The following ARNT2 variants were observed in gnomAD, a reference collection of about 807,000 sequenced individuals.
ARNT2 encodes aryl hydrocarbon receptor nuclear translocator 2.
In ARNT2, 36 loss-of-function variants were observed where a neutral mutation model predicts 91.7. The observed-to-expected ratio is 0.39, with a 90% CI of 0.30 to 0.52. The LOEUF is 0.52. Among genes scored for constraint, ARNT2 ranks in the 20% least tolerant of loss-of-function variants. The probability of loss-of-function intolerance (pLI) is 0.72; values close to 1 mark genes in which losing one functional copy is unlikely to be tolerated. For missense variants in ARNT2, 775 were observed against 939.3 expected (o/e 0.83, Z 2.29); for synonymous variants, 365 against 347.1 (o/e 1.05, Z -0.57).
chr15:80,447,567 C>T (rs143824518), intron 1 of ARNT2, among the ~76,000 whole-genome samples: 1 of 152,194 alleles, frequency 6.6e-6, no homozygotes, highest in Non-Finnish European at 1.5e-5. Flanking sequence ...GAACAGGGAC[C>T]TTCCTAAGCC....
chr15:80,477,082 T>C (rs886827681), intron 5 of ARNT2, among the ~76,000 whole-genome samples: 1 of 152,224 alleles, frequency 6.6e-6, no homozygotes, highest in Admixed American at 6.5e-5. Flanking sequence ...AGACACCTGC[T>C]TCCCTTCACC....
At chr15:80,581,080 G>T in intron 16 of ARNT2, 159 bp from the exon 17 acceptor site, 2 of 835,796 alleles carry the variant, frequency 2.4e-6, no homozygotes, top group East Asian at 2.6e-5. Flanking sequence ...CTCACACACC[G>T]GGCTGATCCC....
chr15:80,495,644 A>T (rs956958344), intron 5 of ARNT2, among the ~76,000 whole-genome samples: 3 of 152,234 alleles, frequency 2.0e-5, no homozygotes, highest in African/African-American at 7.2e-5. Flanking sequence ...TGTGTGACAG[A>T]TAGCAGAATC....
At chr15:80,550,957 C>A in intron 8 of ARNT2, 1 of 446,000 alleles carries the variant, frequency 2.2e-6, no homozygotes. Flanking sequence ...TTTCATCTTC[C>A]TTAATTTCCT....
Position 80,555,131 on chromosome 15 carries a change from T to G in ARNT2, c.1156T>G (p.Phe386Val), listed in dbSNP as rs780428760. 3.7e-6 allele frequency: 6 copies of G among 1,614,068 alleles called. No individual in the cohort carries two copies. Among genetic ancestry groups the G allele is most frequent in the South Asian group, 2.2e-5 (2 of 91,084 alleles). Reference sequence around the variant, plus strand: ...GGATCAAAGCCATCTGCGTGAGAGCTTCCAGCAGGTACATACTGCCAGTAC... The same window carrying G: ...GGATCAAAGCCATCTGCGTGAGAGCGTCCAGCAGGTACATACTGCCAGTAC... ...PEDQSHLRES[F>V]QQVVKLKGQV... Residue 386 changes from phenylalanine to valine, a missense_variant, in exon 11 of 19, where the codon TTC becomes GTC. By Grantham distance (50) the Phe-to-Val change is conservative. This residue lies in a region of ARNT2 where 285 missense variants were observed against 327.2 expected (regional missense o/e 0.87). Coordinates refer to ENST00000303329, the MANE Select transcript of ARNT2 (RefSeq NM_014862.4).
At chr15:80,593,384 C>T (rs1893316104) in intron 18 of ARNT2, among the ~76,000 whole-genome samples, 1 of 152,246 alleles carries the variant, frequency 6.6e-6, no homozygotes, top group South Asian at 2.1e-4. Context: ...TGCCGTTTAC[C>T]TGCTGTCACA....
At chr15:80,506,455 C>A (rs574932782) in intron 5 of ARNT2, among the ~76,000 whole-genome samples, 1 of 152,246 alleles carries the variant, frequency 6.6e-6, no homozygotes, top group African/African-American at 2.4e-5. Flanking sequence ...TGGGGGATTC[C>A]GGTTAGACTC....
intron 8 of ARNT2, among the ~76,000 whole-genome samples, chr15:80,545,949 A>G (rs1448523146): frequency 1.3e-5 from 2 of 152,222 alleles, no homozygotes; most frequent in African/African-American, 2.4e-5. Flanking sequence ...GGAAGCTAGT[A>G]TACCGTCTTC....
chr15:80,496,872 T>A (rs1897131846), intron 5 of ARNT2, among the ~76,000 whole-genome samples: 1 of 152,252 alleles, frequency 6.6e-6, no homozygotes, highest in African/African-American at 2.4e-5. Context: ...TGTAAGGAGT[T>A]GTAACTGGGC....
intron 8 of ARNT2, among the ~76,000 whole-genome samples, chr15:80,521,297 C>CT (rs945181627): frequency 3.3e-5 from 5 of 151,352 alleles, no homozygotes; most frequent in African/African-American, 7.3e-5. Context: ...GCAAGTTACA[C>CT]TTTTTTTTTC....
At chr15:80,458,053 C>T (rs1005025934) in intron 3 of ARNT2, 77 bp downstream of exon 3, 28 of 1,482,444 alleles carry the variant, frequency 1.9e-5, no homozygotes, top group East Asian at 4.6e-5. Flanking sequence ...AAGAATGTAA[C>T]GTCTTTTGTC....
At position 80,576,860 on chromosome 15, in the gene ARNT2, T is replaced by C. The variant is rs1381906987; in HGVS notation, c.1514-6T>C. The C allele has an allele frequency of 5.0e-6, 8 of 1,613,888 alleles. No homozygotes were observed. The highest frequency in any genetic ancestry group is 5.1e-6 in the Non-Finnish European group (6 of 1,180,014). On this transcript the variant is annotated splice_polypyrimidine_tract_variant and splice_region_variant and intron_variant, in intron 14 of 18. Transcript: ENST00000303329. ...TCGCATGTGACTCCTGCTCTGGTTT[T>C]CCTAGCGGAGAAGAAGATGATGAGC... is the stretch of plus-strand genomic sequence containing the variant.
chr15:80,504,928 G>C (rs1235190055), intron 5 of ARNT2, among the ~76,000 whole-genome samples: 1 of 152,160 alleles, frequency 6.6e-6, no homozygotes, highest in East Asian at 1.9e-4. Flanking sequence ...ATGGCATAGG[G>C]TGAGGAGGGA....
chr15:80,457,102 G>A (rs1362846519), intron 2 of ARNT2, among the ~76,000 whole-genome samples: 1 of 152,178 alleles, frequency 6.6e-6, no homozygotes, highest in Non-Finnish European at 1.5e-5. Context: ...TACCCCCTCT[G>A]CCCTAACATG....
intron 8 of ARNT2, among the ~76,000 whole-genome samples, chr15:80,547,110 A>G (rs1342571735): frequency 5.3e-5 from 8 of 152,234 alleles, no homozygotes; most frequent in Admixed American, 5.2e-4. Context: ...GGTGTGGTCC[A>G]TGGACCCTGG....
intron 8 of ARNT2, among the ~76,000 whole-genome samples, chr15:80,546,177 TA>T (rs142925045): frequency 0.026 from 3,953 of 152,284 alleles, 162 homozygotes; most frequent in African/African-American, 0.09. Context: ...GTAGACAATC[TA>T]GAGTTAGTAC....
intron 3 of ARNT2, among the ~76,000 whole-genome samples, chr15:80,468,722 C>T (rs1896692361): frequency 6.6e-6 from 1 of 152,228 alleles, no homozygotes; most frequent in African/African-American, 2.4e-5. Flanking sequence ...GTTTCATTTC[C>T]ACTATGCAAG....
intron 3 of ARNT2, 30 bp from the exon 4 acceptor site, chr15:80,470,188 C>A (rs900612886): frequency 4.4e-6 from 7 of 1,596,050 alleles, no homozygotes; most frequent in Non-Finnish European, 6.0e-6. Flanking sequence ...TCTTTTTTCC[C>A]CCTCTCCTGA....
intron 1 of ARNT2, among the ~76,000 whole-genome samples, chr15:80,439,276 T>A (rs1275962820): frequency 6.6e-6 from 1 of 152,192 alleles, no homozygotes; most frequent in Non-Finnish European, 1.5e-5. Flanking sequence ...ATTGATGTTG[T>A]TATGCTGTAG....
Sources: allele counts gnomAD v4.1 joint callset (sites outside exome capture counted in the v4.1 genomes callset), GRCh38; gene constraint gnomAD v4.1.1; regional missense constraint gnomAD v4.1.1; transcripts MANE v1.5; gene names NCBI Gene and HGNC (gene_info 2026-07-23, HGNC 2026-07-21).